DNM3: variants seen among roughly 807,000 people sequenced by gnomAD.
DNM3 encodes the protein dynamin-3.
In DNM3, 47 loss-of-function variants were observed where a neutral mutation model predicts 101.6. The observed-to-expected ratio is 0.46, with a 90% confidence interval of 0.37 to 0.59. The LOEUF is 0.59. Among genes scored for constraint, DNM3 ranks in the 20% least tolerant of loss-of-function variants. The probability of loss-of-function intolerance (pLI) is 0.00; values close to 1 mark genes in which losing one functional copy is unlikely to be tolerated. For missense variants in DNM3, 849 were observed against 1,085.7 expected (o/e 0.78, Z 3.06); for synonymous variants, 385 against 387.9 (o/e 0.99, Z 0.09).
chr1:172,088,681 C>T (rs902037413), intron 12 of DNM3, among the ~76,000 whole-genome samples: 3 of 152,162 alleles, frequency 2.0e-5, no homozygotes, highest in African/African-American at 2.4e-5. Context: ...TCTCTTGGAA[C>T]GTAGTCATTT....
In DNM3 at chr1:172,388,777, T is replaced by G. The variant is rs2069348328; in HGVS notation, c.2490T>G (p.Ser830=). ...TCGGAGCCCCTCCACAAGTTCCATC[T>G]AGGCCTACGAGGGCCCCGCCCAGTG... ...DSFGAPPQVP[S]RPTRAPPSVP... is the part of the protein sequence containing the mutation. Residue 830 remains serine (S), a synonymous_variant, in exon 20 of 21, where the codon TCT becomes TCG. Transcript: ENST00000627582. 1 of 1,601,396 alleles carries G rather than the reference T, an allele frequency of 6.2e-7. No individual in the cohort carries two copies. The highest frequency in any genetic ancestry group is 1.1e-5 in the South Asian group (1 of 88,834).
In DNM3 at chr1:172,411,998, T is replaced by G; in HGVS notation, c.*4157T>G. 1.0e-6 allele frequency: 1 copy of G among 985,790 alleles called. No homozygotes were observed. Among genetic ancestry groups the G allele is most frequent in the East Asian group, 1.1e-4 (1 of 8,824 alleles). 61.1% of individuals were successfully genotyped at this position (985,790 alleles called of 1,614,324 possible). A position where few individuals can be genotyped will look rare whatever the true frequency, so the allele number is the denominator to read the frequency against. ...TTATGTGGTGCTGTGTAGGTGAAAC[T>G]TTAAGAATATTTTTGAAGCATATGT... On this transcript the variant is annotated 3_prime_UTR_variant, in exon 21 of 21. Coordinates refer to ENST00000627582, the MANE Select transcript of DNM3 (RefSeq NM_015569.5).
chr1:172,020,534 C>T (rs1160037419), intron 4 of DNM3, among the ~76,000 whole-genome samples: 4 of 151,838 alleles, frequency 2.6e-5, no homozygotes, highest in African/African-American at 7.3e-5. Flanking sequence ...TACTGGCTAA[C>T]ATGGTGAAAC....
At chr1:171,895,326 A>G (rs567403229) in intron 1 of DNM3, among the ~76,000 whole-genome samples, 12 of 152,160 alleles carry the variant, frequency 7.9e-5, no homozygotes, top group Non-Finnish European at 1.6e-4. Flanking sequence ...AATGATTGCC[A>G]TTCTAACTGG....
intron 17 of DNM3, among the ~76,000 whole-genome samples, chr1:172,373,059 G>A (rs7539972): frequency 0.72 from 109,322 of 151,870 alleles, 42,637 homozygotes; most frequent in East Asian, 0.88. Flanking sequence ...AAAGCATTAT[G>A]TCTATTCTAA....
chr1:171,984,175 G>T (rs765173409), intron 2 of DNM3, among the ~76,000 whole-genome samples: 2 of 151,940 alleles, frequency 1.3e-5, no homozygotes, highest in Non-Finnish European at 1.5e-5. Context: ...GCTCTCCCCG[G>T]GATGATTTCA....
intron 1 of DNM3, among the ~76,000 whole-genome samples, chr1:171,861,955 A>C (rs1362422111): frequency 6.6e-6 from 1 of 152,160 alleles, no homozygotes; most frequent in Non-Finnish European, 1.5e-5. Flanking sequence ...AGAATGTATA[A>C]ATAGCTAATA....
intron 6 of DNM3, 90 bp from the exon 7 acceptor site, chr1:172,038,229 A>C (rs1044924726): frequency 6.7e-7 from 1 of 1,497,750 alleles, no homozygotes; most frequent in Non-Finnish European, 9.1e-7. Context: ...TAGAAAAACA[A>C]TGGAGGCGGA....
chr1:172,321,831 G>A lies in DNM3; in HGVS notation c.1882-1498G>A, dbSNP rs538714115. ...TATTGCACTACTTGGGAGAACCAGG[G>A]TCCCATTATTCTCTAAAATAAGACT... On this transcript the variant is annotated intron_variant, in intron 16 of 20. Coordinates refer to ENST00000627582, the MANE Select transcript of DNM3 (RefSeq NM_015569.5). Among the ~76,000 whole-genome samples the A allele has an allele frequency of 2.6e-5, 4 of 152,202 alleles. 1 individual carries two copies. The highest frequency in any genetic ancestry group is 9.6e-5 in the African/African-American group (4 of 41,516).
chr1:172,120,700 T>C (rs984674034), intron 13 of DNM3, among the ~76,000 whole-genome samples: 4 of 152,212 alleles, frequency 2.6e-5, no homozygotes, highest in African/African-American at 9.7e-5. Context: ...CCTTTTCTTA[T>C]ACCCGGTGCA....
intron 13 of DNM3, among the ~76,000 whole-genome samples, chr1:172,111,621 T>C (rs555355248): frequency 1.3e-5 from 2 of 152,328 alleles, no homozygotes; most frequent in Admixed American, 6.5e-5. Flanking sequence ...AGAAAGTCTA[T>C]GCTTTGAACG....
intron 2 of DNM3, among the ~76,000 whole-genome samples, chr1:171,929,799 G>T (rs2040858219): frequency 6.6e-6 from 1 of 152,232 alleles, no homozygotes; most frequent in Admixed American, 6.5e-5. Flanking sequence ...TAGTGAGGAG[G>T]AGAAACAGCA....
At chr1:171,992,667 C>T (rs945014557) in intron 4 of DNM3, among the ~76,000 whole-genome samples, 2 of 151,912 alleles carry the variant, frequency 1.3e-5, no homozygotes, top group Admixed American at 1.3e-4. Context: ...TTTTTATATC[C>T]TATATATGGT....
intron 15 of DNM3, among the ~76,000 whole-genome samples, chr1:172,267,911 A>C (rs560405241): frequency 2.0e-5 from 3 of 152,166 alleles, no homozygotes; most frequent in East Asian, 3.9e-4. Flanking sequence ...ACGGGGTTTC[A>C]CCACGTTAGC....
intron 16 of DNM3, among the ~76,000 whole-genome samples, chr1:172,316,032 C>T (rs985003501): frequency 1.3e-4 from 20 of 152,192 alleles, no homozygotes; most frequent in Non-Finnish European, 2.6e-4. Flanking sequence ...AGACTAACGG[C>T]GGATCTCTCG....
intron 1 of DNM3, among the ~76,000 whole-genome samples, chr1:171,879,680 A>G (rs1279026176): frequency 6.6e-6 from 1 of 152,148 alleles, no homozygotes; most frequent in Non-Finnish European, 1.5e-5. Context: ...TGCTTCCATT[A>G]TTACTCCTAG....
At chr1:172,237,990 A>G (rs1040612414) in intron 14 of DNM3, among the ~76,000 whole-genome samples, 1 of 152,122 alleles carries the variant, frequency 6.6e-6, no homozygotes, top group Non-Finnish European at 1.5e-5. Context: ...CACTCAAGGC[A>G]TTGTGATGTC....
Position 172,410,337 on chromosome 1 carries a change from T to C in DNM3, c.*2496T>C. On this transcript the variant is annotated 3_prime_UTR_variant, in exon 21 of 21. Transcript: ENST00000627582. Reference sequence around the variant, plus strand: ...GGAATGTAGCTTAATGATTTTCTGTTTCCCATACCATTTCTAATCTTTTGT... The same window carrying C: ...GGAATGTAGCTTAATGATTTTCTGTCTCCCATACCATTTCTAATCTTTTGT... The C allele has an allele frequency of 9.1e-6, 9 of 985,362 alleles. No individual in the cohort carries two copies. The highest frequency in any genetic ancestry group is 1.1e-5 in the Non-Finnish European group (9 of 829,868). 61.0% of individuals were successfully genotyped at this position (985,362 alleles called of 1,614,324 possible). A position where few individuals can be genotyped will look rare whatever the true frequency, so the allele number is the denominator to read the frequency against.
chr1:171,897,602 G>A (rs1291060419), intron 1 of DNM3, among the ~76,000 whole-genome samples: 2 of 152,084 alleles, frequency 1.3e-5, no homozygotes, highest in African/African-American at 4.8e-5. Flanking sequence ...ACCTAGATTA[G>A]TACATGCTAT....
Sources: gnomAD v4.1 joint callset for allele counts (sites outside exome capture counted in the v4.1 genomes callset) on GRCh38, gnomAD v4.1.1 for gene constraint, MANE v1.5 for transcripts, NCBI Gene and HGNC (gene_info 2026-07-23, HGNC 2026-07-21) for gene names.